Variants in ANKRD18B observed in about 807,000 individuals in gnomAD.
The protein encoded by ANKRD18B is ankyrin repeat domain 18B.
A neutral mutation model predicts 111.8 loss-of-function variants in ANKRD18B; 75 were observed. The ratio of observed to expected loss-of-function variants is 0.67; its 90% CI spans 0.56 to 0.81. The LOEUF (loss-of-function observed/expected upper bound fraction) is 0.81, where lower values mean the gene tolerates loss of function less well. Ranked by LOEUF, ANKRD18B falls within the 40% of genes least tolerant of loss-of-function variation. The pLI, the probability that ANKRD18B is intolerant of heterozygous loss-of-function variation, is 0.00. For missense variants in ANKRD18B, 1,038 were observed against 1,225.5 expected (o/e 0.85, Z 2.28); for synonymous variants, 356 against 417.3 (o/e 0.85, Z 1.79).
chr9:33,524,463 G>A lies in ANKRD18B; in HGVS notation c.-27G>A, dbSNP rs1231757401. ...AGGAGCCGCGGCGTCTCAGGAGCGGGTGGTGGGCATCTGAGAAGTCGCCAC... is the reference window on the plus strand; with the variant it reads ...AGGAGCCGCGGCGTCTCAGGAGCGGATGGTGGGCATCTGAGAAGTCGCCAC... On this transcript the variant is annotated 5_prime_UTR_variant, in exon 1 of 19. In the 5' UTR this introduces an upstream ATG that the reference lacks. Transcript: ENST00000684830. 3 of 1,528,134 alleles carry A rather than the reference G, an allele frequency of 2.0e-6. No individual in the cohort carries two copies. Among genetic ancestry groups the A allele is most frequent in the Non-Finnish European group, 2.6e-6 (3 of 1,135,686 alleles). 94.7% of individuals were successfully genotyped at this position (1,528,134 alleles called of 1,614,324 possible).
Position 33,548,565 on chromosome 9 carries a change from A to G in ANKRD18B, c.1777A>G (p.Lys593Glu), listed in dbSNP as rs369767252. Residue 593 changes from lysine (K) to glutamate (E), a missense_variant, in exon 11 of 19, where the codon AAG (lysine) becomes GAG (glutamate). Physicochemically the swap from Lys to Glu is moderately conservative, Grantham distance 56. Coordinates refer to ENST00000684830, the MANE Select transcript of ANKRD18B (RefSeq NM_001393611.1). ...AGCGCAGCATCGAATAAAGGAAATG[A>G]AGCAGATGCATCCAAATGGGGAAGC... ...KQAQHRIKEMKQMHPNGEAKE... is the reference protein window; with the variant it reads ...KQAQHRIKEMEQMHPNGEAKE... 2.5e-5 allele frequency: 39 copies of G among 1,551,266 alleles called. No homozygotes were observed. Among genetic ancestry groups the G allele is most frequent in the East Asian group, 1.5e-4 (6 of 40,908 alleles).
At chr9:33,569,641 TAAC>T (rs1210730712) in intron 17 of ANKRD18B, among the ~76,000 whole-genome samples, 4 of 152,148 alleles carry the variant, frequency 2.6e-5, no homozygotes, top group Non-Finnish European at 4.4e-5. Flanking sequence ...ACCAAACACT[TAAC>T]AACATATAGA....
intron 14 of ANKRD18B, among the ~76,000 whole-genome samples, chr9:33,562,167 C>T (rs889291120): frequency 5.9e-5 from 9 of 151,894 alleles, no homozygotes; most frequent in African/African-American, 9.7e-5. Flanking sequence ...AAATTTTGGT[C>T]GCAGTATCTG....
Position 33,528,940 on chromosome 9 carries a change from T to C in ANKRD18B, c.322-60T>C. The C allele has an allele frequency of 1.9e-6, 3 of 1,593,862 alleles. No individual in the cohort carries two copies. The South Asian group carries it at 3.4e-5, about 18-fold the overall frequency. ...AAATATAGCTAGTTGGTGAAACCTG[T>C]GGAATATGTATTTTGAATTCTTAGA... On this transcript the variant is annotated intron_variant, in intron 2 of 18. Transcript: ENST00000684830.
intron 13 of ANKRD18B, among the ~76,000 whole-genome samples, chr9:33,557,691 G>A (rs1828546539): frequency 2.0e-5 from 3 of 152,042 alleles, no homozygotes; most frequent in Admixed American, 2.0e-4. Flanking sequence ...GGGAGGCTGA[G>A]ACAGGAGAAT....
chr9:33,552,952 A>C, intron 12 of ANKRD18B, among the ~76,000 whole-genome samples: 1 of 152,130 alleles, frequency 6.6e-6, no homozygotes, highest in Non-Finnish European at 1.5e-5. Flanking sequence ...TCATAGATAA[A>C]GAACCGGAGA....
At chr9:33,560,249 G>C (rs1828586662) in intron 14 of ANKRD18B, among the ~76,000 whole-genome samples, 1 of 152,216 alleles carries the variant, frequency 6.6e-6, no homozygotes, top group South Asian at 2.1e-4. Flanking sequence ...AGCAAAGAGA[G>C]GGGTCCTGCA....
intron 3 of ANKRD18B, among the ~76,000 whole-genome samples, chr9:33,530,930 C>A (rs1284106637): frequency 1.3e-5 from 2 of 152,164 alleles, no homozygotes; most frequent in African/African-American, 4.8e-5. Context: ...TATGTATCAA[C>A]AAATGTTCAT....
chr9:33,537,026 G>C (rs1828212290), intron 6 of ANKRD18B, 81 bp downstream of exon 6: 1 of 1,098,434 alleles, frequency 9.1e-7, no homozygotes, highest in Non-Finnish European at 1.3e-6. Context: ...GCCAGGCATG[G>C]TGGCTCACAC....
In ANKRD18B at chr9:33,553,198, C is replaced by CAA. The variant is rs770597736; in HGVS notation, c.2218-2496_2218-2495dup. Among the ~76,000 whole-genome samples, 41 of 99,642 alleles carry CAA rather than the reference C, an allele frequency of 4.1e-4. No individual in the cohort carries two copies. In the East Asian group the frequency reaches 9.3e-3, roughly 23 times the overall value. 65.4% of individuals were successfully genotyped at this position (99,642 alleles called of 152,430 possible). ...CAATATAAGTGAGACCCTGACTCTACAAAAAAAAAAAAAAATTAAACAGCT... is the reference window on the plus strand; with the variant it reads ...CAATATAAGTGAGACCCTGACTCTACAAAAAAAAAAAAAAAAATTAAACAGCT... On this transcript the variant is annotated intron_variant, in intron 12 of 18. Transcript: ENST00000684830.
intron 14 of ANKRD18B, among the ~76,000 whole-genome samples, chr9:33,564,073 C>G (rs1471104380): frequency 6.6e-6 from 1 of 152,204 alleles, no homozygotes; most frequent in Non-Finnish European, 1.5e-5. Flanking sequence ...CCATGTCATC[C>G]TCCGACCTCA....
At chr9:33,550,605 CA>C (rs1380922892) in intron 12 of ANKRD18B, 26 bp downstream of exon 12, 2 of 1,499,344 alleles carry the variant, frequency 1.3e-6, no homozygotes, top group East Asian at 5.0e-5. Context: ...AACATGTAGA[CA>C]GTTAATCTGT....
At chr9:33,533,738 G>A (rs1828150190) in intron 4 of ANKRD18B, 193 bp downstream of exon 4, 9 of 1,169,992 alleles carry the variant, frequency 7.7e-6, no homozygotes, top group African/African-American at 1.6e-5. Context: ...GTATATAGTA[G>A]GATTCATCTT....
At chr9:33,541,450 G>T (rs1828278301) in intron 9 of ANKRD18B, among the ~76,000 whole-genome samples, 1 of 152,172 alleles carries the variant, frequency 6.6e-6, no homozygotes, top group Non-Finnish European at 1.5e-5. Context: ...TGCCTGTAAT[G>T]AGTCAGTGTT....
At chr9:33,571,378 G>A (rs757009446) in intron 18 of ANKRD18B, 87 bp downstream of exon 18, 10 of 534,020 alleles carry the variant, frequency 1.9e-5, no homozygotes, top group Non-Finnish European at 2.7e-5. Context: ...TCATTGTTGG[G>A]TTAGTAGATA....
At chr9:33,534,307 C>A (rs1470438676) in intron 4 of ANKRD18B, 63 bp from the exon 5 acceptor site, 2 of 1,483,562 alleles carry the variant, frequency 1.3e-6, no homozygotes, top group Non-Finnish European at 1.8e-6. Flanking sequence ...AAAGTGTATC[C>A]AATTTGCTAA....
chr9:33,541,049 A>G, intron 8 of ANKRD18B, 98 bp from the exon 9 acceptor site: 1 of 1,425,214 alleles, frequency 7.0e-7, no homozygotes, highest in Non-Finnish European at 9.4e-7. Context: ...GGTAGGATTT[A>G]GGGTAAGCAT....
chr9:33,548,249 A>G lies in ANKRD18B; in HGVS notation c.1461A>G (p.Glu487=), dbSNP rs1828391331. The stretch of plus-strand genomic sequence containing the variant: ...AAAAACACAACAAAGAAAGACTAGA[A>G]GCTGAAGTTGAATCCCTCCATTCTA... ...EKEKHNKERL[E]AEVESLHSNL... Residue 487 remains glutamate, a synonymous_variant, in exon 11 of 19, where the codon GAA becomes GAG. Transcript: ENST00000684830. The G allele has an allele frequency of 6.4e-7, 1 of 1,551,178 alleles. No homozygotes were observed. The highest frequency in any genetic ancestry group is 8.7e-7 in the Non-Finnish European group (1 of 1,146,666).
intron 6 of ANKRD18B, among the ~76,000 whole-genome samples, chr9:33,538,229 A>G: frequency 6.6e-6 from 1 of 152,224 alleles, no homozygotes; most frequent in East Asian, 1.9e-4. Flanking sequence ...ATAGGAGATT[A>G]TTTTTGAAGA....
Sources: allele counts gnomAD v4.1 joint callset (sites outside exome capture counted in the v4.1 genomes callset), GRCh38; gene constraint gnomAD v4.1.1; transcripts MANE v1.5; gene names NCBI Gene and HGNC (gene_info 2026-07-23, HGNC 2026-07-21).